Variants in MCTP2 observed in about 807,000 individuals in gnomAD.
MCTP2 encodes the protein multiple C2 and transmembrane domain containing 2.
A neutral mutation model predicts 111.6 loss-of-function variants in MCTP2; 132 were observed. That is an observed-to-expected ratio of 1.18 (90% CI 1.03 to 1.37). The LOEUF is 1.37. Among genes scored for constraint, MCTP2 ranks in the 40% most tolerant of loss-of-function variants. The pLI is 0.00. For missense variants in MCTP2, 1,183 were observed against 1,067.9 expected (o/e 1.11, Z -1.50); for synonymous variants, 395 against 387.7 (o/e 1.02, Z -0.22).
At chr15:94,287,611 G>A (rs191055914) in intron 1 of MCTP2, among the ~76,000 whole-genome samples, 6 of 152,294 alleles carry the variant, frequency 3.9e-5, no homozygotes, top group Middle Eastern at 3.4e-3. Flanking sequence ...ACACTTCAAC[G>A]TTTCTCTTCC....
intron 20 of MCTP2, among the ~76,000 whole-genome samples, chr15:94,465,760 GTTCCGTGTC>G (rs1233245697): frequency 6.6e-6 from 1 of 152,108 alleles, no homozygotes; most frequent in African/African-American, 2.4e-5. Context: ...TTACTTGCTT[GTTCCGTGTC>G]TTTTTATTTC....
At chr15:94,286,362 T>C (rs2074754730) in intron 1 of MCTP2, among the ~76,000 whole-genome samples, 1 of 152,198 alleles carries the variant, frequency 6.6e-6, no homozygotes, top group Admixed American at 6.5e-5. Flanking sequence ...TCTTTTTCCC[T>C]CATGTTAAAA....
At chr15:94,402,449 G>A (rs1160033992) in intron 17 of MCTP2, 3 of 1,550,168 alleles carry the variant, frequency 1.9e-6, no homozygotes, top group South Asian at 1.2e-5. Flanking sequence ...AAGCCAGTTG[G>A]GACATACTGA....
chr15:94,292,877 C>T (rs1401570742), intron 1 of MCTP2: 1 of 152,120 alleles, frequency 6.6e-6, no homozygotes. Flanking sequence ...GGAATAGTTA[C>T]ATAGATCAAT....
Position 94,235,249 on chromosome 15 carries a change from C to T in MCTP2, c.-66+3585C>T, listed in dbSNP as rs529094484. Among the ~76,000 whole-genome samples, 4 of 120,848 alleles carry T rather than the reference C, an allele frequency of 3.3e-5. No individual in the cohort carries two copies. In the East Asian group the frequency reaches 8.1e-4, roughly 24 times the overall value. The allele number at this position is 120,848 out of a possible 152,430, so 79.3% of individuals were successfully genotyped here. On this transcript the variant is annotated intron_variant, in intron 1 of 22. Coordinates refer to ENST00000357742, the MANE Select transcript of MCTP2 (RefSeq NM_001385001.1). ...AGCCTGGGAGACAAGAGCGAAACTC[C>T]GTCTCAAAAAAAAAAAAAAATCCCT...
chr15:94,236,379 T>TTTTC (rs2070557742), intron 1 of MCTP2, among the ~76,000 whole-genome samples: 1 of 68,858 alleles, frequency 1.5e-5, no homozygotes, highest in Admixed American at 1.4e-4. Flanking sequence ...TTTTTTTTCT[T>TTTTC]TTTTTTTTTT....
intron 4 of MCTP2, among the ~76,000 whole-genome samples, chr15:94,337,178 C>A (rs1179598762): frequency 1.3e-5 from 2 of 152,156 alleles, no homozygotes; most frequent in Non-Finnish European, 2.9e-5. Context: ...TTTTCCCTAA[C>A]AATTAACGCG....
At chr15:94,291,860 G>C (rs1395251534) in intron 1 of MCTP2, among the ~76,000 whole-genome samples, 1 of 152,032 alleles carries the variant, frequency 6.6e-6, no homozygotes, top group Non-Finnish European at 1.5e-5. Flanking sequence ...AGGCTTTCTG[G>C]GCCATATGGT....
intron 13 of MCTP2, among the ~76,000 whole-genome samples, chr15:94,384,526 G>C (rs2080343564): frequency 6.6e-6 from 1 of 152,072 alleles, no homozygotes; most frequent in Non-Finnish European, 1.5e-5. Flanking sequence ...ACCCCCAAAG[G>C]CTCCTTATAT....
chr15:94,401,840 C>G (rs947676191), intron 16 of MCTP2, 60 bp from the exon 17 acceptor site: 46 of 1,365,516 alleles, frequency 3.4e-5, no homozygotes, highest in Non-Finnish European at 4.5e-5. Context: ...GGTACCTGAT[C>G]TAGATGGAAT....
At chr15:94,401,265 A>G (rs1236647524) in intron 16 of MCTP2, among the ~76,000 whole-genome samples, 1 of 152,134 alleles carries the variant, frequency 6.6e-6, no homozygotes, top group Non-Finnish European at 1.5e-5. Flanking sequence ...TAAATGCTTG[A>G]AAGCACTTAC....
intron 1 of MCTP2, among the ~76,000 whole-genome samples, chr15:94,254,492 T>C (rs1232222223): frequency 1.3e-5 from 2 of 152,212 alleles, no homozygotes; most frequent in African/African-American, 4.8e-5. Context: ...TTGTGAGGAA[T>C]TAGAAAACTC....
chr15:94,440,449 T>C, intron 18 of MCTP2, 151 bp downstream of exon 18: 1 of 884,372 alleles, frequency 1.1e-6, no homozygotes, highest in Admixed American at 2.6e-5. Context: ...GGAGGTCTTC[T>C]ATCATGAATA....
chr15:94,345,253 A>G, intron 8 of MCTP2, 89 bp downstream of exon 8: 1 of 1,215,220 alleles, frequency 8.2e-7, no homozygotes, highest in African/African-American at 1.5e-5. Context: ...GATATTACCC[A>G]ATCTTTACAT....
chr15:94,285,899 G>C (rs2074731033), intron 1 of MCTP2, among the ~76,000 whole-genome samples: 1 of 152,086 alleles, frequency 6.6e-6, no homozygotes, highest in African/African-American at 2.4e-5. Context: ...ATGGATGGTG[G>C]GGCTGAAAAT....
intron 17 of MCTP2, among the ~76,000 whole-genome samples, chr15:94,424,539 G>T (rs982356988): frequency 6.6e-6 from 1 of 152,088 alleles, no homozygotes; most frequent in African/African-American, 2.4e-5. Context: ...ACGCCTCCAG[G>T]TGCTTCTCAT....
chr15:94,442,251 A>C (rs2083823783), intron 18 of MCTP2, among the ~76,000 whole-genome samples: 1 of 152,218 alleles, frequency 6.6e-6, no homozygotes, highest in Non-Finnish European at 1.5e-5. Flanking sequence ...TTGCAGTGCT[A>C]TGATCAAACT....
Position 94,475,167 on chromosome 15 carries a change from G to T in MCTP2, c.2471-1529G>T, listed in dbSNP as rs1366796380. Reference sequence around the variant, plus strand: ...AATTAAATGTCTTTAGAATAACACAGTGAGAGTATTTCAGTGTAAAGGAAC... The same window carrying T: ...AATTAAATGTCTTTAGAATAACACATTGAGAGTATTTCAGTGTAAAGGAAC... On this transcript the variant is annotated intron_variant, in intron 21 of 22. Transcript: ENST00000357742. Among the ~76,000 whole-genome samples, 4 of 152,160 alleles carry T rather than the reference G, an allele frequency of 2.6e-5. No individual in the cohort carries two copies. The East Asian group carries it at 7.7e-4, about 29-fold the overall frequency.
intron 10 of MCTP2, 23 bp from the exon 11 acceptor site, chr15:94,367,582 C>G (rs1371783287): frequency 1.9e-6 from 3 of 1,595,642 alleles, no homozygotes; most frequent in Non-Finnish European, 2.6e-6. Context: ...TTTTCTCTCT[C>G]TTGATTCCTG....
Sources: gnomAD v4.1 joint callset for allele counts (sites outside exome capture counted in the v4.1 genomes callset) on GRCh38, gnomAD v4.1.1 for gene constraint, MANE v1.5 for transcripts, NCBI Gene and HGNC (gene_info 2026-07-23, HGNC 2026-07-21) for gene names.